Variants in CSMD1 observed in about 807,000 individuals in gnomAD.
The protein encoded by CSMD1 is CUB and sushi domain-containing protein 1.
A neutral mutation model predicts 417.5 loss-of-function variants in CSMD1; 213 were observed. The ratio of observed to expected loss-of-function variants is 0.51; its 90% confidence interval spans 0.46 to 0.57. The LOEUF (loss-of-function observed/expected upper bound fraction) is 0.57. Among genes scored for constraint, CSMD1 ranks in the 20% least tolerant of loss-of-function variants. The pLI is 0.00. For synonymous variants in CSMD1, 2,862 were observed against 1,736.8 expected (o/e 1.65, Z -16.11); for missense variants, 6,923 against 4,529.7 (o/e 1.53, Z -15.17).
chr8:3,222,925 G>A (rs1248405366), intron 28 of CSMD1, among the ~76,000 whole-genome samples: 1 of 152,138 alleles, frequency 6.6e-6, no homozygotes, highest in Non-Finnish European at 1.5e-5. Flanking sequence ...CTGACATAAA[G>A]ATCTGCAGAA....
intron 3 of CSMD1, among the ~76,000 whole-genome samples, 185 bp from the exon 4 acceptor site, chr8:4,032,284 A>G (rs932011960): frequency 3.2e-4 from 49 of 152,362 alleles, no homozygotes; most frequent in African/African-American, 1.1e-3. Context: ...TATCTGCAGT[A>G]TAACACTTTT....
chr8:3,904,122 G>A (rs1188392230), intron 5 of CSMD1, among the ~76,000 whole-genome samples: 1 of 151,942 alleles, frequency 6.6e-6, no homozygotes, highest in Non-Finnish European at 1.5e-5. Flanking sequence ...AAGTAATTCG[G>A]CCTTGTAATT....
At chr8:3,489,075 G>A (rs528730429) in intron 11 of CSMD1, among the ~76,000 whole-genome samples, 13 of 152,194 alleles carry the variant, frequency 8.5e-5, no homozygotes, top group Admixed American at 2.0e-4. Flanking sequence ...AAATACACAC[G>A]TCTGTGCATA....
chr8:4,058,645 G>C (rs1264099434), intron 3 of CSMD1, among the ~76,000 whole-genome samples: 2 of 149,070 alleles, frequency 1.3e-5, no homozygotes, highest in African/African-American at 5.0e-5. Context: ...TGCAATCCTA[G>C]TCTCTGATAA....
intron 25 of CSMD1, among the ~76,000 whole-genome samples, chr8:3,307,012 A>G (rs189909569): frequency 7.2e-6 from 1 of 139,208 alleles, no homozygotes; most frequent in Non-Finnish European, 1.6e-5. Context: ...TTCTTGGTCT[A>G]CCTCAAAGTT....
At chr8:3,075,190 C>G (rs1006081421) in intron 49 of CSMD1, among the ~76,000 whole-genome samples, 3 of 152,116 alleles carry the variant, frequency 2.0e-5, no homozygotes, top group Non-Finnish European at 4.4e-5. Flanking sequence ...TACTTCCTGT[C>G]CAGCCGGAGA....
chr8:4,626,815 T>C (rs951746121), intron 2 of CSMD1, among the ~76,000 whole-genome samples: 13 of 152,182 alleles, frequency 8.5e-5, no homozygotes, highest in African/African-American at 2.9e-4. Context: ...AATTCTGTTC[T>C]AGTTAATACT....
chr8:3,062,269 CA>C (rs554066932), intron 49 of CSMD1, among the ~76,000 whole-genome samples: 97 of 152,024 alleles, frequency 6.4e-4, no homozygotes, highest in Non-Finnish European at 1.3e-3. Context: ...CCATTAATAC[CA>C]TGCTGAAGGC....
intron 2 of CSMD1, among the ~76,000 whole-genome samples, chr8:4,492,633 C>A (rs547881036): frequency 3.3e-5 from 5 of 151,982 alleles, no homozygotes; most frequent in Admixed American, 1.3e-4. Context: ...GCACTAGTGC[C>A]GCCTTTGGAT....
intron 3 of CSMD1, among the ~76,000 whole-genome samples, chr8:4,188,514 G>T (rs1353146372): frequency 6.6e-6 from 1 of 152,114 alleles, no homozygotes; most frequent in Non-Finnish European, 1.5e-5. Context: ...AAGATGACTT[G>T]CAAATAGTTT....
intron 25 of CSMD1, among the ~76,000 whole-genome samples, chr8:3,301,805 G>A (rs1004092051): frequency 2.0e-5 from 3 of 152,180 alleles, no homozygotes; most frequent in Admixed American, 2.0e-4. Flanking sequence ...GAGAATAAAG[G>A]ATGGATTTGG....
At chr8:3,179,997 A>C (rs1402879239) in intron 37 of CSMD1, among the ~76,000 whole-genome samples, 7 of 152,214 alleles carry the variant, frequency 4.6e-5, no homozygotes, top group Non-Finnish European at 8.8e-5. Context: ...AAAAATATGC[A>C]TGCATTTACA....
chr8:4,674,134 G>C (rs1305545560), intron 1 of CSMD1, among the ~76,000 whole-genome samples: 1 of 152,188 alleles, frequency 6.6e-6, no homozygotes, highest in East Asian at 1.9e-4. Context: ...TCTCACAGCA[G>C]ATGTCCACTG....
intron 1 of CSMD1, among the ~76,000 whole-genome samples, chr8:4,895,618 C>T (rs17071776): frequency 0.11 from 16,188 of 151,736 alleles, 1,342 homozygotes; most frequent in African/African-American, 0.21. Flanking sequence ...TATGATATGA[C>T]TTTCCTACTC....
chr8:4,249,599 T>C (rs1029287326), intron 3 of CSMD1, among the ~76,000 whole-genome samples: 1 of 152,162 alleles, frequency 6.6e-6, no homozygotes, highest in South Asian at 2.1e-4. Flanking sequence ...ATTGAGAGAA[T>C]GGTGTTAAGA....
intron 1 of CSMD1, among the ~76,000 whole-genome samples, chr8:4,879,618 C>A (rs1444388207): frequency 6.6e-6 from 1 of 151,800 alleles, no homozygotes; most frequent in Non-Finnish European, 1.5e-5. Context: ...GTTACAGAAT[C>A]AACAACAGTT....
At chr8:3,513,386 T>C (rs900109106) in intron 10 of CSMD1, among the ~76,000 whole-genome samples, 1 of 151,020 alleles carries the variant, frequency 6.6e-6, no homozygotes, top group Non-Finnish European at 1.5e-5. Context: ...CCCAGGCTGG[T>C]GTGGAGTGGT....
chr8:4,087,129 G>A (rs746157127), intron 3 of CSMD1, among the ~76,000 whole-genome samples: 4 of 152,134 alleles, frequency 2.6e-5, no homozygotes, highest in Non-Finnish European at 5.9e-5. Flanking sequence ...TCTGGGTGAT[G>A]GGAGGTTGCG....
chr8:3,823,418 T>G (rs1801857226), intron 5 of CSMD1, among the ~76,000 whole-genome samples: 1 of 152,180 alleles, frequency 6.6e-6, no homozygotes, highest in South Asian at 2.1e-4. Context: ...GGATGATATT[T>G]CTTATGCAAA....
Sources: allele counts gnomAD v4.1 joint callset (sites outside exome capture counted in the v4.1 genomes callset), GRCh38; gene constraint gnomAD v4.1.1; transcripts MANE v1.5; gene names NCBI Gene and HGNC (gene_info 2026-07-23, HGNC 2026-07-21).